The following EGFL6 variants were observed in gnomAD, a reference collection of about 807,000 sequenced individuals.
EGFL6 encodes EGF like domain multiple 6, also known as epidermal growth factor-like protein 6.
EGFL6 carries 42 observed loss-of-function variants against 43.1 expected under a neutral mutation model. The observed-to-expected ratio is 0.98, with a 90% CI of 0.76 to 1.26. EGFL6 has a LOEUF of 1.26. Ranked by LOEUF, EGFL6 falls within the 50% of genes most tolerant of loss-of-function variation. The pLI is 0.00. For synonymous variants in EGFL6, 164 were observed against 163.2 expected (o/e 1.01, Z -0.04); for missense variants, 429 against 427.8 (o/e 1.00, Z -0.02).
chrX:13,589,173 AG>A lies in EGFL6; in HGVS notation c.75-382del, dbSNP rs2045549210. ...GGTTCCCAGGTGCCAGTGGGATAAA[AG>A]TGCAGAGCTCTGGTCTGGGACAAAG... On this transcript the variant is annotated intron_variant, in intron 1 of 11. Coordinates refer to ENST00000361306, the MANE Select transcript of EGFL6 (RefSeq NM_015507.4). Among the ~76,000 whole-genome samples the A allele has an allele frequency of 2.7e-5, 3 of 112,123 alleles. No individual in the cohort carries two copies. In the South Asian group the frequency reaches 1.1e-3, roughly 42 times the overall value.
chrX:13,607,383 G>A (rs991058906), intron 6 of EGFL6, among the ~76,000 whole-genome samples: 26 of 111,969 alleles, frequency 2.3e-4, no homozygotes, highest in African/African-American at 1.6e-4. Context: ...CCCAGGACAC[G>A]TCTTGTGTAA....
At chrX:13,572,225 G>A (rs2045447001) in intron 1 of EGFL6, among the ~76,000 whole-genome samples, 2 of 111,476 alleles carry the variant, frequency 1.8e-5, no homozygotes, top group South Asian at 7.5e-4. Context: ...GGAGCCCCAA[G>A]TGGCTATTGA....
chrX:13,597,510 A>G lies in EGFL6; in HGVS notation c.281-2465A>G, dbSNP rs777224713. On this transcript the variant is annotated intron_variant, in intron 3 of 11. Transcript: ENST00000361306. ...CAAGAATCGTGCATTCAGGGTGGGC[A>G]CAGTGGCTCACACCTGTAATTCCGG... 1.2e-4 allele frequency among the ~76,000 whole-genome samples: 14 copies of G among 112,209 alleles called. No homozygotes were observed. The South Asian group carries it at 1.9e-3, about 15-fold the overall frequency.
At chrX:13,593,899 G>C (rs1473550700) in intron 2 of EGFL6, among the ~76,000 whole-genome samples, 1 of 111,230 alleles carries the variant, frequency 9.0e-6, no homozygotes, top group Admixed American at 9.5e-5. Flanking sequence ...TGGACCTACT[G>C]TGAGCCAGGG....
chrX:13,608,273 T>C (rs1361452949), intron 6 of EGFL6, 51 bp from the exon 7 acceptor site: 1 of 1,197,296 alleles, frequency 8.4e-7, no homozygotes, highest in East Asian at 3.0e-5. Flanking sequence ...AGGGTGAGTC[T>C]TTCAGCAAGC....
Position 13,627,263 on chromosome X carries a change from A to T in EGFL6, c.1538A>T (p.Asp513Val). 8.3e-7 allele frequency: 1 copy of T among 1,203,859 alleles called. No homozygotes were observed. Among genetic ancestry groups the T allele is most frequent in the Non-Finnish European group, 1.1e-6 (1 of 889,137 alleles). ...TGKIQLYQGT[D>V]ATKSIIFEAE... ...AAAATTCAGTTGTATCAAGGAACTG[A>T]TGCTACCAAAAGCGTAAGTGGGAAA... Residue 513 changes from aspartate (D) to valine (V), a missense_variant, in exon 11 of 12, where the codon GAT becomes GTT. Physicochemically the swap from Asp to Val is radical, Grantham distance 152. Transcript: ENST00000361306.
At chrX:13,592,577 G>A (rs116840451) in intron 2 of EGFL6, among the ~76,000 whole-genome samples, 302 of 111,671 alleles carry the variant, frequency 2.7e-3, no homozygotes, top group African/African-American at 9.6e-3. Context: ...CCAAATATAT[G>A]CCTCATTATT....
rs770874084 is a variant in EGFL6, at chrX:13,589,708, G to T, written c.187+40G>T. ...ACTCAGACCCTGCACTTGGATCAGGGCCCTTAGGTTTTTATCTGTCATACC... is the reference window on the plus strand; with the variant it reads ...ACTCAGACCCTGCACTTGGATCAGGTCCCTTAGGTTTTTATCTGTCATACC... On this transcript the variant is annotated intron_variant, in intron 2 of 11. Transcript: ENST00000361306. 16 of 1,116,161 alleles carry T rather than the reference G, an allele frequency of 1.4e-5. No individual in the cohort carries two copies. In the East Asian group the frequency reaches 4.3e-4, roughly 30 times the overall value. The allele number at this position is 1,116,161 out of a possible 1,213,427, so 92.0% of individuals were successfully genotyped here.
At chrX:13,582,230 T>C (rs2045510400) in intron 1 of EGFL6, among the ~76,000 whole-genome samples, 1 of 108,805 alleles carries the variant, frequency 9.2e-6, no homozygotes, top group African/African-American at 3.4e-5. Context: ...CCCGGCTAAT[T>C]TTTTGTATTT....
At position 13,603,431 on chromosome X, in the gene EGFL6, G is replaced by C. The variant is rs2146696007; in HGVS notation, c.515G>C (p.Cys172Ser). The C allele has an allele frequency of 8.3e-7, 1 of 1,205,038 alleles. No individual in the cohort carries two copies. Among genetic ancestry groups the C allele is most frequent in the South Asian group, 1.8e-5 (1 of 55,221 alleles). The change falls in exon 5 of 12, where the codon TGT becomes TCT. Residue 172 changes from cysteine to serine, a missense_variant. Coordinates refer to ENST00000361306, the MANE Select transcript of EGFL6 (RefSeq NM_015507.4). Reference protein sequence around the residue: ...GLRLAPNGRDCLDIDECASGK... With the variant: ...GLRLAPNGRDSLDIDECASGK... ...CGCCTGGCCCCAAATGGAAGAGACT[G>C]TCTAGGTACAACAGCAGGAATCACC...
chrX:13,616,243 G>C (rs16999049), intron 7 of EGFL6, among the ~76,000 whole-genome samples: 2,612 of 111,924 alleles, frequency 0.023, 58 homozygotes, highest in African/African-American at 0.065. Context: ...CAAGGAATTT[G>C]AAACAGTCTA....
At chrX:13,578,457 C>T (rs929844355) in intron 1 of EGFL6, among the ~76,000 whole-genome samples, 1 of 107,759 alleles carries the variant, frequency 9.3e-6, no homozygotes, top group African/African-American at 3.4e-5. Context: ...ATAAATCATG[C>T]TGCTATAAAG....
Position 13,614,749 on chromosome X carries a change from AT to A in EGFL6, c.779-2965del, listed in dbSNP as rs144356394. ...ACCCTCCTACTGCAACTCCCTCCAT[AT>A]TTTTTTTTTTTTTTTGACATGGAGT... is the stretch of plus-strand genomic sequence containing the variant. On this transcript the variant is annotated intron_variant, in intron 7 of 11. Transcript: ENST00000361306. Among the ~76,000 whole-genome samples, 800 of 94,140 alleles carry A rather than the reference AT, an allele frequency of 8.5e-3. 3 individuals are homozygous for A. Among genetic ancestry groups the A allele is most frequent in the Admixed American group, 8.4e-3 (72 of 8,591 alleles). 81.7% of individuals were successfully genotyped at this position (94,140 alleles called of 115,157 possible).
chrX:13,594,426 G>A (rs905571691), intron 2 of EGFL6, among the ~76,000 whole-genome samples: 7 of 111,408 alleles, frequency 6.3e-5, no homozygotes, highest in African/African-American at 2.3e-4. Flanking sequence ...CCTCCAATCT[G>A]TTGGTTGTTC....
intron 11 of EGFL6, among the ~76,000 whole-genome samples, chrX:13,629,828 C>T: frequency 9.0e-6 from 1 of 111,685 alleles, no homozygotes; most frequent in Non-Finnish European, 1.9e-5. Flanking sequence ...CCTAGGGTAG[C>T]CTGTGCTTTT....
intron 5 of EGFL6, among the ~76,000 whole-genome samples, chrX:13,605,653 G>C (rs2045656446): frequency 9.1e-6 from 1 of 110,304 alleles, no homozygotes; most frequent in Non-Finnish European, 1.9e-5. Context: ...GCCAGGTTCA[G>C]AAGAACAAAC....
chrX:13,593,581 C>G (rs1233734169), intron 2 of EGFL6, among the ~76,000 whole-genome samples: 3 of 111,611 alleles, frequency 2.7e-5, no homozygotes, highest in Non-Finnish European at 3.8e-5. Context: ...CTGTTAGACT[C>G]CTGCATCAGT....
At chrX:13,598,440 A>T in intron 3 of EGFL6, among the ~76,000 whole-genome samples, 1 of 111,651 alleles carries the variant, frequency 9.0e-6, no homozygotes, top group Non-Finnish European at 1.9e-5. Flanking sequence ...GAGTTAAGAT[A>T]TGAAACCCTC....
intron 1 of EGFL6, among the ~76,000 whole-genome samples, chrX:13,573,073 C>A (rs1318153676): frequency 8.9e-6 from 1 of 112,076 alleles, no homozygotes; most frequent in African/African-American, 3.2e-5. Context: ...CTAAGAAGAA[C>A]CCTTGTGATT....
Sources: allele counts gnomAD v4.1 joint callset (sites outside exome capture counted in the v4.1 genomes callset), GRCh38; gene constraint gnomAD v4.1.1; transcripts MANE v1.5; gene names NCBI Gene and HGNC (gene_info 2026-07-23, HGNC 2026-07-21).